FBXO4: variants seen among roughly 807,000 people sequenced by gnomAD.
The protein encoded by FBXO4 is F-box only protein 4.
Under a neutral mutation model 43.7 loss-of-function variants are expected in FBXO4, and 36 were observed. The observed-to-expected ratio is 0.82, with a 90% CI of 0.63 to 1.09. The LOEUF (loss-of-function observed/expected upper bound fraction) is 1.09. Ranked by LOEUF, FBXO4 falls within the 50% of genes least tolerant of loss-of-function variation. The pLI is 0.00. For missense variants in FBXO4, 435 were observed against 474.1 expected (o/e 0.92, Z 0.77); for synonymous variants, 180 against 165.6 (o/e 1.09, Z -0.67).
At chr5:41,935,736 GTCCCT>G (rs1235736956) in intron 5 of FBXO4, among the ~76,000 whole-genome samples, 1 of 152,206 alleles carries the variant, frequency 6.6e-6, no homozygotes, top group Non-Finnish European at 1.5e-5. Flanking sequence ...AAATCTCCAT[GTCCCT>G]ACCAATTAAG....
chr5:41,991,852 G>T, the FBXO4 span, among the ~76,000 whole-genome samples: 1 of 152,282 alleles, frequency 6.6e-6, no homozygotes, highest in East Asian at 1.9e-4. Flanking sequence ...GCCGAGGAGG[G>T]CGGATCACCC....
chr5:41,956,699 T>G, the FBXO4 span, among the ~76,000 whole-genome samples: 4 of 151,404 alleles, frequency 2.6e-5, no homozygotes, highest in Non-Finnish European at 1.5e-5. Flanking sequence ...GTATGTAATT[T>G]TTTTTTCTTC....
At chr5:41,971,242 G>T in the FBXO4 span, among the ~76,000 whole-genome samples, 1 of 151,598 alleles carries the variant, frequency 6.6e-6, no homozygotes, top group Non-Finnish European at 1.5e-5. Context: ...GTATGTGTGT[G>T]TGTGTGTATA....
the FBXO4 span, among the ~76,000 whole-genome samples, chr5:41,953,970 A>T: frequency 1.3e-5 from 2 of 152,202 alleles, no homozygotes; most frequent in Non-Finnish European, 2.9e-5. Flanking sequence ...GTAAACTAGC[A>T]TTCTGGATTC....
At chr5:41,947,451 T>G in the FBXO4 span, among the ~76,000 whole-genome samples, 3 of 152,192 alleles carry the variant, frequency 2.0e-5, no homozygotes, top group Non-Finnish European at 2.9e-5. Flanking sequence ...CTGAGCAGGT[T>G]AGCATGGTTT....
chr5:41,940,570 C>G (rs937430477), intron 6 of FBXO4, among the ~76,000 whole-genome samples: 1 of 152,184 alleles, frequency 6.6e-6, no homozygotes, highest in African/African-American at 2.4e-5. Context: ...CCCTAAAATA[C>G]ATTTTAATTA....
intron 3 of FBXO4, among the ~76,000 whole-genome samples, chr5:41,931,786 A>T (rs1364378873): frequency 6.6e-6 from 1 of 152,202 alleles, no homozygotes; most frequent in African/African-American, 2.4e-5. Flanking sequence ...ACAGGTGCTG[A>T]AATGTTCAGT....
At chr5:42,037,519 A>G in the FBXO4 span, among the ~76,000 whole-genome samples, 8 of 152,106 alleles carry the variant, frequency 5.3e-5, no homozygotes, top group African/African-American at 1.7e-4. Flanking sequence ...TCATTAGGTC[A>G]GCTTGTTCTC....
At chr5:42,019,160 T>C in the FBXO4 span, among the ~76,000 whole-genome samples, 1 of 152,172 alleles carries the variant, frequency 6.6e-6, no homozygotes, top group Non-Finnish European at 1.5e-5. Context: ...CTAAATTTTA[T>C]AAAATTTAAG....
At chr5:41,968,869 A>C in the FBXO4 span, among the ~76,000 whole-genome samples, 6 of 152,200 alleles carry the variant, frequency 3.9e-5, no homozygotes, top group African/African-American at 1.4e-4. Context: ...TTTGTTGCAC[A>C]AACCCTCAGT....
At chr5:41,988,837 T>C in the FBXO4 span, among the ~76,000 whole-genome samples, 11 of 152,142 alleles carry the variant, frequency 7.2e-5, no homozygotes, top group South Asian at 2.1e-4. Flanking sequence ...TCACCAAAAC[T>C]CAGAAATAAT....
chr5:41,993,672 G>A, the FBXO4 span, among the ~76,000 whole-genome samples: 1 of 146,100 alleles, frequency 6.8e-6, no homozygotes, highest in Non-Finnish European at 1.5e-5. Flanking sequence ...CATATAAAGG[G>A]ACGTTTATTA....
the FBXO4 span, among the ~76,000 whole-genome samples, chr5:41,996,407 C>T: frequency 4.8e-4 from 73 of 152,276 alleles, no homozygotes; most frequent in African/African-American, 1.7e-3. Context: ...CAAAAGATGG[C>T]AGGGCCTTGC....
At chr5:41,987,685 T>C in the FBXO4 span, among the ~76,000 whole-genome samples, 1 of 152,218 alleles carries the variant, frequency 6.6e-6, no homozygotes, top group Non-Finnish European at 1.5e-5. Flanking sequence ...ATGAAACATT[T>C]GCTTGTGTGC....
chr5:41,979,834 T>C, the FBXO4 span, among the ~76,000 whole-genome samples: 960 of 152,366 alleles, frequency 6.3e-3, 3 homozygotes, highest in Non-Finnish European at 0.01. Context: ...TCCTCTCTTA[T>C]TGCTAAAGAC....
chr5:41,946,908 C>A, the FBXO4 span, among the ~76,000 whole-genome samples: 1 of 152,126 alleles, frequency 6.6e-6, no homozygotes, highest in Non-Finnish European at 1.5e-5. Context: ...TCAAGTATAG[C>A]CACAATGCAC....
the FBXO4 span, among the ~76,000 whole-genome samples, chr5:42,020,629 T>C: frequency 2.0e-5 from 3 of 152,198 alleles, no homozygotes; most frequent in Non-Finnish European, 4.4e-5. Flanking sequence ...TTTCTCTCTG[T>C]TCTGCCCTGC....
the FBXO4 span, among the ~76,000 whole-genome samples, chr5:41,961,670 T>G: frequency 2.0e-5 from 3 of 152,186 alleles, no homozygotes; most frequent in African/African-American, 7.2e-5. Context: ...TGAAACTATG[T>G]GCAGAAAGAG....
chr5:42,020,903 G>A, the FBXO4 span, among the ~76,000 whole-genome samples: 1 of 152,244 alleles, frequency 6.6e-6, no homozygotes, highest in African/African-American at 2.4e-5. Context: ...TTAAAGATGA[G>A]AAGGAATCCA....
Sources: allele counts gnomAD v4.1 joint callset (sites outside exome capture counted in the v4.1 genomes callset), GRCh38; gene constraint gnomAD v4.1.1; transcripts MANE v1.5; gene names NCBI Gene and HGNC (gene_info 2026-07-23, HGNC 2026-07-21).